The following MYO3B variants were observed in gnomAD, a reference collection of about 807,000 sequenced individuals.
MYO3B encodes the protein myosin-IIIb.
Under a neutral mutation model 174.6 loss-of-function variants are expected in MYO3B, and 156 were observed. The ratio of observed to expected loss-of-function variants is 0.89; its 90% CI spans 0.78 to 1.02. The LOEUF (loss-of-function observed/expected upper bound fraction) is 1.02, where lower values mean the gene tolerates loss of function less well. Among genes scored for constraint, MYO3B ranks in the 50% least tolerant of loss-of-function variants. MYO3B has a pLI of 0.00. For missense variants in MYO3B, 1,632 were observed against 1,639.4 expected (o/e 1.00, Z 0.08); for synonymous variants, 563 against 569.1 (o/e 0.99, Z 0.15).
At chr2:170,205,872 T>A (rs2092708924) in intron 3 of MYO3B, among the ~76,000 whole-genome samples, 1 of 152,270 alleles carries the variant, frequency 6.6e-6, no homozygotes, top group South Asian at 2.1e-4. Flanking sequence ...TCTAGTGATA[T>A]ATCATGGTAT....
At chr2:170,478,719 G>A (rs554180456) in intron 25 of MYO3B, among the ~76,000 whole-genome samples, 331 of 150,922 alleles carry the variant, frequency 2.2e-3, no homozygotes, top group Middle Eastern at 7.0e-3. Context: ...ACAGCCAAGC[G>A]CCACTACACC....
intron 7 of MYO3B, among the ~76,000 whole-genome samples, chr2:170,278,571 A>G (rs1390050591): frequency 1.3e-5 from 2 of 152,088 alleles, no homozygotes; most frequent in Non-Finnish European, 2.9e-5. Flanking sequence ...GGTATTTAGG[A>G]TATCTGCCCT....
chr2:170,646,202 C>T (rs948643152), intron 32 of MYO3B, among the ~76,000 whole-genome samples: 1 of 148,884 alleles, frequency 6.7e-6, no homozygotes, highest in Non-Finnish European at 1.5e-5. Context: ...ACCTGGGAGG[C>T]GGAGGTTGCG....
chr2:170,336,015 A>G (rs985315592), intron 8 of MYO3B, among the ~76,000 whole-genome samples: 1 of 152,192 alleles, frequency 6.6e-6, no homozygotes, highest in African/African-American at 2.4e-5. Flanking sequence ...GAGCTATGTC[A>G]CTAGGCAAGT....
chr2:170,303,637 A>T (rs1355701770), intron 7 of MYO3B, among the ~76,000 whole-genome samples: 2 of 148,686 alleles, frequency 1.3e-5, no homozygotes, highest in Non-Finnish European at 3.0e-5. Context: ...TCCTATTATT[A>T]AAAAAAAACT....
rs188115614 is a variant in MYO3B, at chr2:170,379,370, T to C, written c.972-2646T>C. 5.2e-3 allele frequency among the ~76,000 whole-genome samples: 791 copies of C among 152,238 alleles called. 9 individuals are homozygous for C. Among genetic ancestry groups the C allele is most frequent in the African/African-American group, 0.018 (749 of 41,534 alleles). On this transcript the variant is annotated intron_variant, in intron 9 of 34. Coordinates refer to ENST00000408978, the MANE Select transcript of MYO3B (RefSeq NM_138995.5). ...CCACCACGCCTAGCTAATTTTTGTA[T>C]TTTTGGTAGAGACGGGATTTCACCA...
chr2:170,469,198 G>T (rs967597906), intron 25 of MYO3B, among the ~76,000 whole-genome samples: 3 of 152,128 alleles, frequency 2.0e-5, no homozygotes, highest in Non-Finnish European at 4.4e-5. Flanking sequence ...AGTAAATAAT[G>T]CAGTTTAGTA....
rs760385702 is a variant in MYO3B at position 170,567,233 on chromosome 2, T to G, written c.3733+23245T>G. On this transcript the variant is annotated intron_variant, in intron 32 of 34. Coordinates refer to ENST00000408978, the MANE Select transcript of MYO3B (RefSeq NM_138995.5). ...TAGTTCTAAACTTAAAATACCAATTTTAATAATGTATTCTACTGAAATTGT... is the reference window on the plus strand; with the variant it reads ...TAGTTCTAAACTTAAAATACCAATTGTAATAATGTATTCTACTGAAATTGT... 3.0e-4 allele frequency among the ~76,000 whole-genome samples: 45 copies of G among 152,298 alleles called. 1 individual carries two copies. The highest frequency in any genetic ancestry group is 4.1e-4 in the South Asian group (2 of 4,824).
chr2:170,519,331 T>A, intron 29 of MYO3B, 107 bp from the exon 30 acceptor site: 2 of 691,246 alleles, frequency 2.9e-6, no homozygotes, highest in East Asian at 2.9e-5. Flanking sequence ...AGTCACGGAG[T>A]GGTATGAGGG....
intron 32 of MYO3B, among the ~76,000 whole-genome samples, chr2:170,597,189 G>A (rs908101989): frequency 1.3e-5 from 2 of 151,928 alleles, no homozygotes; most frequent in South Asian, 4.2e-4. Flanking sequence ...TGGCCAACGT[G>A]GTGAAACCTC....
In MYO3B at chr2:170,382,041, C is replaced by T. The variant is rs200310756; in HGVS notation, c.997C>T (p.Pro333Ser). The part of the protein sequence containing the change: ...TRHERMHTRR[P>S]YHVEDAEKYC... ...GCATGAGAGGATGCATACCAGAAGA[C>T]CTTATCATGTGGAAGATGCTGAAAA... is the stretch of plus-strand genomic sequence containing the variant. The change falls in exon 10 of 35, where the codon CCT becomes TCT. Residue 333 changes from proline to serine, a missense_variant. Transcript: ENST00000408978. The T allele has an allele frequency of 1.7e-4, 278 of 1,613,354 alleles. 2 individuals carry two copies. The Admixed American group carries it at 2.1e-3, about 12-fold the overall frequency.
chr2:170,646,852 G>C (rs1698423068), intron 32 of MYO3B: 1 of 1,065,206 alleles, frequency 9.4e-7, no homozygotes, highest in Non-Finnish European at 1.3e-6. Flanking sequence ...CGTCAGGATA[G>C]TTCAACATTT....
At chr2:170,383,906 A>C in intron 12 of MYO3B, 92 bp downstream of exon 12, 1 of 1,062,278 alleles carries the variant, frequency 9.4e-7, no homozygotes, top group East Asian at 2.4e-5. Context: ...AAACCTTTCC[A>C]TTCCGGTTGC....
At chr2:170,305,275 C>T (rs1341365306) in intron 7 of MYO3B, among the ~76,000 whole-genome samples, 4 of 152,134 alleles carry the variant, frequency 2.6e-5, no homozygotes, top group African/African-American at 7.2e-5. Flanking sequence ...ACGTTACATA[C>T]ACATAGATAT....
intron 32 of MYO3B, among the ~76,000 whole-genome samples, chr2:170,607,601 G>T (rs1184637998): frequency 6.6e-6 from 1 of 152,198 alleles, no homozygotes; most frequent in African/African-American, 2.4e-5. Context: ...GCACTTCAGG[G>T]ATAGGAACAC....
intron 32 of MYO3B, among the ~76,000 whole-genome samples, chr2:170,578,676 C>A (rs142849985): frequency 2.6e-5 from 4 of 152,344 alleles, no homozygotes; most frequent in South Asian, 2.1e-4. Flanking sequence ...AGTTTGTACT[C>A]ATTTCTCTAA....
chr2:170,433,820 A>G (rs1047153608), intron 22 of MYO3B, among the ~76,000 whole-genome samples: 1 of 152,180 alleles, frequency 6.6e-6, no homozygotes, highest in East Asian at 1.9e-4. Flanking sequence ...AAAATTCCTT[A>G]TGACTCTTTT....
chr2:170,641,061 C>T (rs1201169717), intron 32 of MYO3B: 1 of 152,200 alleles, frequency 6.6e-6, no homozygotes, highest in Non-Finnish European at 1.5e-5. Flanking sequence ...AACGGGACTG[C>T]TCATCTACCA....
chr2:170,651,648 C>T lies in MYO3B; in HGVS notation c.3754C>T (p.Gln1252Ter). ...QKPGSENGLA[Q>*]KHRTPRRRCQ... Reference sequence around the variant, plus strand: ...TTCAGGTTCAGAAAATGGTCTTGCACAGAAGCATCGAACACCTCGCCGACG... The same window carrying T: ...TTCAGGTTCAGAAAATGGTCTTGCATAGAAGCATCGAACACCTCGCCGACG... Residue 1252 changes from glutamine (Q) to a stop codon, truncating the protein, a stop_gained, in exon 33 of 35, where the codon CAG (glutamine) becomes TAG (stop). Transcript: ENST00000408978. LOFTEE classifies it high-confidence loss of function. 6.2e-7 allele frequency: 1 copy of T among 1,614,120 alleles called. No homozygotes were observed. Among genetic ancestry groups the T allele is most frequent in the Non-Finnish European group, 8.5e-7 (1 of 1,180,008 alleles).
Sources: allele counts gnomAD v4.1 joint callset (sites outside exome capture counted in the v4.1 genomes callset), GRCh38; gene constraint gnomAD v4.1.1; transcripts MANE v1.5; gene names NCBI Gene and HGNC (gene_info 2026-07-23, HGNC 2026-07-21).